The following DAB1 variants were observed in gnomAD, a reference collection of about 807,000 sequenced individuals.
DAB1 encodes DAB adaptor protein 1.
In DAB1, 15 loss-of-function variants were observed where a neutral mutation model predicts 64.6. The ratio of observed to expected loss-of-function variants is 0.23; its 90% confidence interval spans 0.16 to 0.36. DAB1 has a LOEUF of 0.36. DAB1 is among the 10% of genes least tolerant of loss of function. The pLI is 1.00. For synonymous variants in DAB1, 235 were observed against 251.9 expected, an observed-to-expected ratio of 0.93 and a Z score of 0.64; for missense variants, 596 against 706.7, an observed-to-expected ratio of 0.84 and a Z score of 1.78.
intron 4 of DAB1, among the ~76,000 whole-genome samples, chr1:58,166,511 T>C (rs1655839977): frequency 6.6e-6 from 1 of 152,224 alleles, no homozygotes; most frequent in African/African-American, 2.4e-5. Context: ...TTCCACTGCC[T>C]GGGTATACTA....
In DAB1 at chr1:57,409,592, T is replaced by C. The variant is rs535472818; in HGVS notation, c.-137+14338A>G. Among the ~76,000 whole-genome samples the C allele has an allele frequency of 5.3e-5, 8 of 152,228 alleles. No homozygotes were observed. The South Asian group carries it at 1.7e-3, about 32-fold the overall frequency. ...TTGGGAGGCCGAGGTGGGCGGATCA[T>C]GAGGTCAGGAATTCGAGACCAGCCT... On this transcript the variant is annotated intron_variant, in intron 1 of 14. Coordinates refer to ENST00000371236, the MANE Select transcript of DAB1 (RefSeq NM_001365792.1).
At chr1:58,316,158 T>G (rs1333698283) in intron 4 of DAB1, among the ~76,000 whole-genome samples, 1 of 152,208 alleles carries the variant, frequency 6.6e-6, no homozygotes, top group Non-Finnish European at 1.5e-5. Context: ...ACAGGAACTG[T>G]GCTACAGCAC....
rs772989513 is a variant in DAB1, at chr1:57,207,446, C to CTTTTTTTTTTTTTTTTTTTTTTTTTTT, written c.68-62018_68-62017insAAAAAAAAAAAAAAAAAAAAAAAAAAA. On this transcript the variant is annotated intron_variant, in intron 2 of 14. Coordinates refer to ENST00000371236, the MANE Select transcript of DAB1 (RefSeq NM_001365792.1). ...CTGTAATTCATACCTTATTTCCTTTCTTTTTTTTTTTTTTTGAGATGGAGT... is the reference window on the plus strand; with the variant it reads ...CTGTAATTCATACCTTATTTCCTTTCTTTTTTTTTTTTTTTTTTTTTTTTTTTTTTTTTTTTTTTTTTGAGATGGAGT... 2.8e-4 allele frequency among the ~76,000 whole-genome samples: 28 copies of CTTTTTTTTTTTTTTTTTTTTTTTTTTT among 98,452 alleles called. 5 individuals carry two copies. The highest frequency in any genetic ancestry group is 1.1e-3 in the Admixed American group (9 of 8,252). The allele number at this position is 98,452 out of a possible 152,430, so 64.6% of individuals were successfully genotyped here.
intron 4 of DAB1, among the ~76,000 whole-genome samples, chr1:58,245,521 C>T (rs567796084): frequency 1.3e-5 from 2 of 152,240 alleles, no homozygotes; most frequent in Admixed American, 6.5e-5. Flanking sequence ...CATATGAAGC[C>T]GAGTTAGATG....
At chr1:58,132,711 C>T (rs1355168588) in intron 5 of DAB1, among the ~76,000 whole-genome samples, 2 of 152,114 alleles carry the variant, frequency 1.3e-5, no homozygotes, top group East Asian at 3.9e-4. Flanking sequence ...CTGAGAATCC[C>T]CCTTCTACAT....
intron 5 of DAB1, among the ~76,000 whole-genome samples, chr1:58,051,610 G>T (rs564269139): frequency 6.6e-6 from 1 of 152,270 alleles, no homozygotes; most frequent in South Asian, 2.1e-4. Context: ...CTAGATCCTT[G>T]AGGAATCGCC....
chr1:57,102,398 T>C (rs1053219179), intron 4 of DAB1, among the ~76,000 whole-genome samples: 1 of 152,246 alleles, frequency 6.6e-6, no homozygotes, highest in Non-Finnish European at 1.5e-5. Flanking sequence ...AAGGATATTA[T>C]ACTGAAAGAG....
intron 4 of DAB1, among the ~76,000 whole-genome samples, chr1:58,268,483 T>A (rs1209879047): frequency 1.3e-5 from 2 of 152,152 alleles, no homozygotes; most frequent in Non-Finnish European, 2.9e-5. Flanking sequence ...GAAGGAACAT[T>A]TCAAGTCCTC....
chr1:57,558,961 C>T (rs1645020447), intron 7 of DAB1, among the ~76,000 whole-genome samples: 1 of 152,102 alleles, frequency 6.6e-6, no homozygotes, highest in African/African-American at 2.4e-5. Context: ...TTTGAAGAGC[C>T]CTGTAATTGC....
At chr1:58,375,644 T>G (rs1644316827) in intron 3 of DAB1, among the ~76,000 whole-genome samples, 1 of 142,526 alleles carries the variant, frequency 7.0e-6, no homozygotes, top group African/African-American at 2.6e-5. Flanking sequence ...AAAATTCTCT[T>G]TTTTTGGTTG....
chr1:57,859,142 TG>T (rs1248224849), intron 1 of DAB1, among the ~76,000 whole-genome samples: 1 of 152,128 alleles, frequency 6.6e-6, no homozygotes, highest in Non-Finnish European at 1.5e-5. Context: ...ACCTTTCAGC[TG>T]GGGCTACAAA....
chr1:57,742,833 G>A (rs1179191932), intron 6 of DAB1, among the ~76,000 whole-genome samples: 3 of 152,116 alleles, frequency 2.0e-5, no homozygotes, highest in African/African-American at 4.8e-5. Flanking sequence ...GATGGTATCT[G>A]GGCAGTGAGA....
At chr1:58,130,304 T>C (rs1280678632) in intron 5 of DAB1, among the ~76,000 whole-genome samples, 1 of 142,890 alleles carries the variant, frequency 7.0e-6, no homozygotes, top group Non-Finnish European at 1.5e-5. Flanking sequence ...GTTTTCCATT[T>C]GCTTGGTAGA....
intron 5 of DAB1, among the ~76,000 whole-genome samples, chr1:58,070,401 T>C (rs1199748638): frequency 2.0e-5 from 3 of 152,106 alleles, no homozygotes; most frequent in Admixed American, 6.5e-5. Flanking sequence ...AACAACCCCA[T>C]GAGAGAGGGA....
At chr1:58,485,440 G>A (rs1645561233) in intron 3 of DAB1, among the ~76,000 whole-genome samples, 1 of 151,796 alleles carries the variant, frequency 6.6e-6, no homozygotes, top group Non-Finnish European at 1.5e-5. Flanking sequence ...AACACTATAT[G>A]TTCTTCATAC....
intron 7 of DAB1, among the ~76,000 whole-genome samples, chr1:57,611,011 G>A (rs907182172): frequency 1.4e-4 from 21 of 152,130 alleles, no homozygotes; most frequent in African/African-American, 5.1e-4. Flanking sequence ...ACTCCTGGAA[G>A]GCAGATGCTT....
Position 57,732,318 on chromosome 1 carries a change from C to A in DAB1, n.552-82653G>T, listed in dbSNP as rs1032918404. Among the ~76,000 whole-genome samples the A allele has an allele frequency of 2.2e-4, 33 of 152,274 alleles. No individual in the cohort carries two copies. In the Middle Eastern group the frequency reaches 0.014, roughly 63 times the overall value. On this transcript the variant is annotated intron_variant and non_coding_transcript_variant, in intron 6 of 20. Coordinates refer to the DAB1 transcript ENST00000485760. ...AAGGGGGAAAGTGGGAAGTGCTGTG[C>A]ACTGAAGGCAAACTCCACTACTGTC...
At chr1:57,201,886 G>A (rs958157374) in intron 2 of DAB1, among the ~76,000 whole-genome samples, 1 of 152,058 alleles carries the variant, frequency 6.6e-6, no homozygotes, top group Non-Finnish European at 1.5e-5. Flanking sequence ...ATAAATGCAT[G>A]CATGCATGCA....
At chr1:58,034,539 G>A (rs1328864169) in intron 5 of DAB1, among the ~76,000 whole-genome samples, 2 of 152,210 alleles carry the variant, frequency 1.3e-5, no homozygotes, top group African/African-American at 2.4e-5. Context: ...AAATATAGAT[G>A]TTTCTCTAAA....
Sources: gnomAD v4.1 joint callset for allele counts (sites outside exome capture counted in the v4.1 genomes callset) on GRCh38, gnomAD v4.1.1 for gene constraint, MANE v1.5 for transcripts, NCBI Gene and HGNC (gene_info 2026-07-23, HGNC 2026-07-21) for gene names.